PCDH9: variants seen among roughly 807,000 people sequenced by gnomAD.
The protein encoded by PCDH9 is protocadherin 9, also known as protocadherin-9.
In PCDH9, 24 loss-of-function variants were observed where a neutral mutation model predicts 70.6. That is an observed-to-expected ratio of 0.34 (90% CI 0.25 to 0.48). PCDH9 has a LOEUF of 0.48. PCDH9 is among the 20% of genes least tolerant of loss of function. The pLI is 0.99. For missense variants in PCDH9, 1,281 were observed against 1,503.6 expected (o/e 0.85, Z 2.45); for synonymous variants, 562 against 558.5 (o/e 1.01, Z -0.09).
intron 3 of PCDH9, among the ~76,000 whole-genome samples, chr13:66,711,792 A>T (rs2078798336): frequency 6.6e-6 from 1 of 152,180 alleles, no homozygotes; most frequent in African/African-American, 2.4e-5. Flanking sequence ...AGTCTGCTGT[A>T]TGCTCAGCGT....
intron 3 of PCDH9, among the ~76,000 whole-genome samples, chr13:66,660,284 G>A (rs1213835662): frequency 6.6e-6 from 1 of 152,170 alleles, no homozygotes; most frequent in Non-Finnish European, 1.5e-5. Flanking sequence ...AGTATATGGT[G>A]AGATCTTTAT....
intron 3 of PCDH9, among the ~76,000 whole-genome samples, chr13:66,705,715 A>C (rs1465038650): frequency 6.6e-6 from 1 of 152,208 alleles, no homozygotes; most frequent in African/African-American, 2.4e-5. Flanking sequence ...TAGAATTACA[A>C]GAGAAATATA....
chr13:66,472,386 T>C (rs1294235474), intron 4 of PCDH9, among the ~76,000 whole-genome samples: 3 of 25,216 alleles, frequency 1.2e-4, no homozygotes, highest in Non-Finnish European at 3.4e-4. Flanking sequence ...CCTGGGCAAC[T>C]TGGCAAAACC....
At chr13:67,125,144 A>G (rs1185962952) in intron 2 of PCDH9, among the ~76,000 whole-genome samples, 1 of 152,184 alleles carries the variant, frequency 6.6e-6, no homozygotes, top group African/African-American at 2.4e-5. Context: ...TGAGAATTTC[A>G]TGCAATAATA....
At chr13:67,126,578 C>T (rs1478061566) in intron 2 of PCDH9, among the ~76,000 whole-genome samples, 2 of 152,186 alleles carry the variant, frequency 1.3e-5, no homozygotes, top group Admixed American at 6.5e-5. Context: ...GGGCCTGGCA[C>T]GGTGGTTCAC....
Position 66,814,803 on chromosome 13 carries a change from C to T in PCDH9, c.3138+88701G>A, listed in dbSNP as rs538273476. 3.9e-5 allele frequency among the ~76,000 whole-genome samples: 6 copies of T among 152,092 alleles called. 1 individual carries two copies. In the South Asian group the frequency reaches 1.2e-3, roughly 32 times the overall value. On this transcript the variant is annotated intron_variant, in intron 3 of 4. Transcript: ENST00000377865. ...AAATGTAAAACCTAAAACTAGAAAA[C>T]CCTTGGAAGATAATCTAGGAAATAC... is the stretch of plus-strand genomic sequence containing the variant.
At chr13:66,947,981 T>C (rs190952241) in intron 2 of PCDH9, among the ~76,000 whole-genome samples, 253 of 152,138 alleles carry the variant, frequency 1.7e-3, no homozygotes, top group Non-Finnish European at 3.1e-3. Context: ...TAGAATGTGG[T>C]AGAAAGAATT....
At chr13:66,321,553 C>T (rs889722713) in intron 4 of PCDH9, among the ~76,000 whole-genome samples, 1 of 151,766 alleles carries the variant, frequency 6.6e-6, no homozygotes, top group Non-Finnish European at 1.5e-5. Flanking sequence ...TGGCTGGCTG[C>T]CTATCTCGGA....
intron 3 of PCDH9, among the ~76,000 whole-genome samples, chr13:66,683,247 G>C (rs1379666163): frequency 6.6e-6 from 1 of 151,944 alleles, no homozygotes; most frequent in African/African-American, 2.4e-5. Context: ...TATCTGCCTA[G>C]TACCAGTTTA....
At chr13:66,415,864 A>G (rs1190338294) in intron 4 of PCDH9, among the ~76,000 whole-genome samples, 1 of 152,192 alleles carries the variant, frequency 6.6e-6, no homozygotes. Context: ...ATGTACTAGG[A>G]GGTTGCAAAG....
intron 3 of PCDH9, among the ~76,000 whole-genome samples, chr13:66,812,078 T>G (rs1473420051): frequency 6.6e-6 from 1 of 151,894 alleles, no homozygotes; most frequent in Non-Finnish European, 1.5e-5. Context: ...CCCTTCCCAC[T>G]CTTCCCCCTA....
chr13:66,378,530 C>G (rs1370269110), intron 4 of PCDH9, among the ~76,000 whole-genome samples: 1 of 152,126 alleles, frequency 6.6e-6, no homozygotes, highest in African/African-American at 2.4e-5. Context: ...AAATGAGAAA[C>G]CTGAAAACCT....
chr13:67,132,787 A>G (rs1200322669), intron 2 of PCDH9, among the ~76,000 whole-genome samples: 1 of 152,064 alleles, frequency 6.6e-6, no homozygotes, highest in Non-Finnish European at 1.5e-5. Flanking sequence ...AGGTCAATAA[A>G]ATTCAAGAAT....
At chr13:66,982,109 A>T (rs2139775477) in intron 2 of PCDH9, among the ~76,000 whole-genome samples, 1 of 152,154 alleles carries the variant, frequency 6.6e-6, no homozygotes, top group East Asian at 1.9e-4. Flanking sequence ...GGCATGTGGC[A>T]CCCCTGCCCC....
intron 2 of PCDH9, among the ~76,000 whole-genome samples, chr13:67,039,229 C>T (rs547597383): frequency 1.2e-3 from 185 of 152,164 alleles, no homozygotes; most frequent in Middle Eastern, 3.4e-3. Context: ...TTCCGTGGAC[C>T]CCCAGATTGA....
intron 3 of PCDH9, among the ~76,000 whole-genome samples, chr13:66,632,019 A>C (rs1220868702): frequency 6.6e-6 from 1 of 152,104 alleles, no homozygotes; most frequent in African/African-American, 2.4e-5. Context: ...TCAGCCTTCC[A>C]AGTAGCTGGG....
At chr13:66,760,986 G>A (rs1299169049) in intron 3 of PCDH9, among the ~76,000 whole-genome samples, 1 of 152,144 alleles carries the variant, frequency 6.6e-6, no homozygotes, top group Non-Finnish European at 1.5e-5. Context: ...TTCCTGTTAA[G>A]ATGTTTATCA....
chr13:67,070,493 T>C (rs980249281), intron 2 of PCDH9, among the ~76,000 whole-genome samples: 3 of 152,178 alleles, frequency 2.0e-5, no homozygotes, highest in Middle Eastern at 6.3e-3. Flanking sequence ...TTATTACTTT[T>C]AAACTTTTCC....
intron 4 of PCDH9, 22 bp downstream of exon 4, chr13:66,631,188 C>CA: frequency 7.5e-7 from 1 of 1,336,606 alleles, no homozygotes; most frequent in Non-Finnish European, 1.1e-6. Flanking sequence ...TCCAAGCAAT[C>CA]AAAATTTTGA....
Sources: gnomAD v4.1 joint callset for allele counts (sites outside exome capture counted in the v4.1 genomes callset) on GRCh38, gnomAD v4.1.1 for gene constraint, MANE v1.5 for transcripts, NCBI Gene and HGNC (gene_info 2026-07-23, HGNC 2026-07-21) for gene names.